ZNF573: variants seen among roughly 807,000 people sequenced by gnomAD.
The protein encoded by ZNF573 is zinc finger protein 573.
In ZNF573, 41 loss-of-function variants were observed where a neutral mutation model predicts 57.4. The observed-to-expected ratio is 0.71, with a 90% confidence interval of 0.56 to 0.93. The LOEUF (loss-of-function observed/expected upper bound fraction) is 0.93, where lower values mean the gene tolerates loss of function less well. Ranked by LOEUF, ZNF573 falls within the 40% of genes least tolerant of loss-of-function variation. ZNF573 has a pLI of 0.00. For missense variants in ZNF573, 730 were observed against 794.8 expected, an observed-to-expected ratio of 0.92 and a Z score of 0.98; for synonymous variants, 249 against 261.0, an observed-to-expected ratio of 0.95 and a Z score of 0.44.
chr19:37,761,788 A>G (rs2045555821), intron 4 of ZNF573, among the ~76,000 whole-genome samples: 1 of 152,194 alleles, frequency 6.6e-6, no homozygotes, highest in Admixed American at 6.5e-5. Context: ...ACCTAAGCAT[A>G]AAAATAGGTA....
chr19:37,771,226 T>C (rs921133521), intron 3 of ZNF573, among the ~76,000 whole-genome samples: 1 of 151,764 alleles, frequency 6.6e-6, no homozygotes, highest in Non-Finnish European at 1.5e-5. Context: ...TCTGGAAATA[T>C]GCACAATGGG....
chr19:37,763,795 G>A (rs1175081368), intron 4 of ZNF573, among the ~76,000 whole-genome samples: 1 of 152,106 alleles, frequency 6.6e-6, no homozygotes, highest in Non-Finnish European at 1.5e-5. Flanking sequence ...TGGGCATGGT[G>A]GCTCATGCCT....
rs564346402 is a variant in ZNF573 at position 37,758,808 on chromosome 19, G to C, written c.295+11197C>G. Among the ~76,000 whole-genome samples, 70 of 151,790 alleles carry C rather than the reference G, an allele frequency of 4.6e-4. 1 individual carries two copies. In the South Asian group the frequency reaches 6.7e-3, roughly 14 times the overall value. On this transcript the variant is annotated intron_variant, in intron 4 of 4. Transcript: ENST00000536220. Reference sequence around the variant, plus strand: ...AAGTCAACAGTATATAGACACCCTAGGAAGTATATGAAAAATATCGTTAAA... The same window carrying C: ...AAGTCAACAGTATATAGACACCCTACGAAGTATATGAAAAATATCGTTAAA...
chr19:37,761,031 C>T (rs2045547614), intron 4 of ZNF573, among the ~76,000 whole-genome samples: 1 of 151,818 alleles, frequency 6.6e-6, no homozygotes, highest in Non-Finnish European at 1.5e-5. Context: ...AAACCCATCT[C>T]TACAAAAACT....
intron 4 of ZNF573, among the ~76,000 whole-genome samples, chr19:37,746,790 G>C (rs992778794): frequency 2.6e-5 from 4 of 152,132 alleles, no homozygotes; most frequent in African/African-American, 9.7e-5. Flanking sequence ...CACCATGTTG[G>C]CCAGGCTGGT....
At chr19:37,764,170 C>G (rs1188498031) in intron 4 of ZNF573, among the ~76,000 whole-genome samples, 1 of 151,370 alleles carries the variant, frequency 6.6e-6, no homozygotes, top group Non-Finnish European at 1.5e-5. Flanking sequence ...ATAAGAGATA[C>G]AGATCAAAGA....
chr19:37,763,585 A>C (rs958261242), intron 4 of ZNF573, among the ~76,000 whole-genome samples: 1 of 151,934 alleles, frequency 6.6e-6, no homozygotes. Context: ...CAAAACAAAA[A>C]AAACAGAGTA....
intron 2 of ZNF573, chr19:37,773,048 T>C: frequency 1.1e-6 from 1 of 891,420 alleles, no homozygotes; most frequent in Non-Finnish European, 1.3e-6. Context: ...CATCACTTAA[T>C]ACTTTTCTTG....
At chr19:37,762,375 G>A (rs955421749) in intron 4 of ZNF573, among the ~76,000 whole-genome samples, 2 of 152,114 alleles carry the variant, frequency 1.3e-5, no homozygotes, top group African/African-American at 4.8e-5. Context: ...ATTTGGATGT[G>A]GACTGTATAT....
chr19:37,778,886 T>A (rs1599713986), intron 1 of ZNF573, among the ~76,000 whole-genome samples: 1 of 152,022 alleles, frequency 6.6e-6, no homozygotes, highest in African/African-American at 2.4e-5. Flanking sequence ...GTTCCTGGGG[T>A]CAGAGCTCTG....
intron 4 of ZNF573, among the ~76,000 whole-genome samples, chr19:37,757,250 A>T (rs1179612000): frequency 1.3e-5 from 2 of 152,000 alleles, no homozygotes; most frequent in Non-Finnish European, 2.9e-5. Flanking sequence ...AGGCTAGAGT[A>T]CAGTCGCATG....
At chr19:37,773,043 C>G (rs1049502106) in intron 2 of ZNF573, 1 of 903,206 alleles carries the variant, frequency 1.1e-6, no homozygotes, top group African/African-American at 1.8e-5. Context: ...TTTTCCATCA[C>G]TTAATACTTT....
At chr19:37,770,863 T>TATATATATATATAA (rs2045652264) in intron 3 of ZNF573, among the ~76,000 whole-genome samples, 1 of 98,702 alleles carries the variant, frequency 1.0e-5, no homozygotes, top group African/African-American at 4.0e-5. Flanking sequence ...TATATATATA[T>TATATATATATATAA]ATATATATAT....
intron 4 of ZNF573, among the ~76,000 whole-genome samples, chr19:37,749,927 T>C (rs866858843): frequency 2.0e-5 from 3 of 152,162 alleles, no homozygotes; most frequent in African/African-American, 2.4e-5. Flanking sequence ...ATAAGCATTA[T>C]GTAATTTGCA....
Position 37,740,391 on chromosome 19 carries a change from T to C in ZNF573, c.296-197A>G, listed in dbSNP as rs77736541. Among the ~76,000 whole-genome samples the C allele has an allele frequency of 1.0e-2, 1,518 of 152,278 alleles. 35 individuals are homozygous for C. The highest frequency in any genetic ancestry group is 0.053 in the East Asian group (276 of 5,184). On this transcript the variant is annotated intron_variant, in intron 4 of 4. Coordinates refer to ENST00000536220, the MANE Select transcript of ZNF573 (RefSeq NM_001172690.2). The stretch of plus-strand genomic sequence containing the variant: ...TTACGTAAGATAGTGAAATTACTGA[T>C]TGAGGACATAGGTAACATTTAGGTG...
rs1233478308 is a variant in ZNF573 at position 37,739,461 on chromosome 19, T to A, written c.1029A>T (p.Ser343=). 9 of 1,614,020 alleles carry A rather than the reference T, an allele frequency of 5.6e-6. No homozygotes were observed. The highest frequency in any genetic ancestry group is 1.3e-5 in the African/African-American group (1 of 74,924). ...GAATTCTCTGATGTAGAAGAAAGTA[T>A]GAGGCAGTGGTATAGCCCTTCCCAC... ...KECGKGYTTA[S]YFLLHQRIHK... Residue 343 remains serine (S), a synonymous_variant, in exon 5 of 5, where the codon TCA becomes TCT. Coordinates refer to ENST00000536220, the MANE Select transcript of ZNF573 (RefSeq NM_001172690.2).
At chr19:37,768,568 C>A (rs2045622436) in intron 4 of ZNF573, among the ~76,000 whole-genome samples, 1 of 152,178 alleles carries the variant, frequency 6.6e-6, no homozygotes, top group Non-Finnish European at 1.5e-5. Flanking sequence ...GAAGCTGTCC[C>A]CAGCCATCTC....
chr19:37,739,631 A>G lies in ZNF573; in HGVS notation c.859T>C (p.Ser287Pro). 1 of 1,614,060 alleles carries G rather than the reference A, an allele frequency of 6.2e-7. No homozygotes were observed. The highest frequency in any genetic ancestry group is 8.5e-7 in the Non-Finnish European group (1 of 1,180,020). Residue 287 changes from serine (S) to proline (P), a missense_variant, in exon 5 of 5, where the codon TCA becomes CCA. Transcript: ENST00000536220. The part of the protein sequence containing the change: ...KECGKTFSRR[S>P]NLVEHGQFHT... Reference sequence around the variant, plus strand: ...AACTGCCCATGTTCAACAAGATTTGAGCGCCTACTAAAAGTCTTCCCACAT... The same window carrying G: ...AACTGCCCATGTTCAACAAGATTTGGGCGCCTACTAAAAGTCTTCCCACAT...
At chr19:37,756,583 G>T (rs190975377) in intron 4 of ZNF573, among the ~76,000 whole-genome samples, 1 of 152,026 alleles carries the variant, frequency 6.6e-6, no homozygotes, top group African/African-American at 2.4e-5. Flanking sequence ...AAACAGAGTC[G>T]CAATAACATT....
Sources: allele counts gnomAD v4.1 joint callset (sites outside exome capture counted in the v4.1 genomes callset), GRCh38; gene constraint gnomAD v4.1.1; transcripts MANE v1.5; gene names NCBI Gene and HGNC (gene_info 2026-07-23, HGNC 2026-07-21).